Variants in ADNP observed in about 807,000 individuals in gnomAD.
ADNP encodes activity dependent neuroprotector homeobox.
ADNP carries 4 observed loss-of-function variants against 84.9 expected under a neutral mutation model. The ratio of observed to expected loss-of-function variants is 0.05; its 90% CI spans 0.02 to 0.11. The LOEUF (loss-of-function observed/expected upper bound fraction) is 0.11, where lower values mean the gene tolerates loss of function less well. ADNP is among the 10% of genes least tolerant of loss of function. The pLI is 1.00. For missense variants in ADNP, 1,132 were observed against 1,326.0 expected (o/e 0.85, Z 2.27); for synonymous variants, 554 against 468.1 (o/e 1.18, Z -2.37).
chr20:50,931,056 T>C lies in ADNP; in HGVS notation c.-495A>G, dbSNP rs1601006975. ...GGGCGGCGGCGGCGTCGTCGAGCGGTGCAGACAAAGGAGGGGCGGAGGGAG... is the reference window on the plus strand; with the variant it reads ...GGGCGGCGGCGGCGTCGTCGAGCGGCGCAGACAAAGGAGGGGCGGAGGGAG... On this transcript the variant is annotated 5_prime_UTR_variant, in exon 1 of 6. Transcript: ENST00000621696. 7.3e-6 allele frequency: 1 copy of C among 137,702 alleles called. No individual in the cohort carries two copies. The highest frequency in any genetic ancestry group is 2.7e-5 in the African/African-American group (1 of 36,536). 8.5% of individuals were successfully genotyped at this position (137,702 alleles called of 1,614,324 possible). A position where few individuals can be genotyped will look rare whatever the true frequency, so the allele number is the denominator to read the frequency against.
At chr20:50,922,485 C>T (rs1366218001) in intron 2 of ADNP, among the ~76,000 whole-genome samples, 2 of 151,216 alleles carry the variant, frequency 1.3e-5, no homozygotes, top group African/African-American at 2.4e-5. Flanking sequence ...TAAAGAAATG[C>T]GTAAGGGCAC....
chr20:50,890,980 GAAA>G lies in ADNP; in HGVS notation c.*422_*424del. ...TTTCAACTATTCAGAATGAATACAT[GAAA>G]AAAAATCGCTTTTCCCAAAGTCTAC... On this transcript the variant is annotated 3_prime_UTR_variant, in exon 6 of 6. Transcript: ENST00000621696. 1.0e-6 allele frequency: 1 copy of G among 994,050 alleles called. No individual in the cohort carries two copies. Among genetic ancestry groups the G allele is most frequent in the South Asian group, 4.7e-5 (1 of 21,464 alleles). 61.6% of individuals were successfully genotyped at this position (994,050 alleles called of 1,614,324 possible). A position where few individuals can be genotyped will look rare whatever the true frequency, so the allele number is the denominator to read the frequency against.
intron 5 of ADNP, among the ~76,000 whole-genome samples, chr20:50,895,992 A>G (rs192640510): frequency 2.7e-3 from 406 of 152,326 alleles, no homozygotes; most frequent in African/African-American, 9.3e-3. Context: ...TGGGAGGCCC[A>G]GGCGGGTGGA....
Position 50,926,559 on chromosome 20 carries a change from T to C in ADNP, c.-90+2092A>G, listed in dbSNP as rs377021474. Among the ~76,000 whole-genome samples, 25 of 152,348 alleles carry C rather than the reference T, an allele frequency of 1.6e-4. 2 individuals are homozygous for C. The South Asian group carries it at 3.1e-3, about 19-fold the overall frequency. On this transcript the variant is annotated intron_variant, in intron 2 of 5. Transcript: ENST00000621696. ...TATTTTTTTACTACACTTAGATGTA[T>C]TGTCCCCAAACTACATCTCAAAACT...
At position 50,893,735 on chromosome 20, in the gene ADNP, G is replaced by C; in HGVS notation, c.979C>G (p.Leu327Val). Residue 327 changes from leucine to valine, a missense_variant, in exon 6 of 6, where the codon CTG (leucine) becomes GTG (valine). Transcript: ENST00000621696. This position sits in a 1 kb window ranked among gnomAD's most constrained non-coding sequence, Gnocchi z 4.4. ...TTGACTCCATAGTTGTTCTGCTGCA[G>C]ATGAACACTGGACATCATGTTGACT... ...TGVNMMSSVH[L>V]QQNNYGVKSV... 6.2e-7 allele frequency: 1 copy of C among 1,614,142 alleles called. No individual in the cohort carries two copies. The highest frequency in any genetic ancestry group is 1.1e-5 in the South Asian group (1 of 91,078).
intron 2 of ADNP, among the ~76,000 whole-genome samples, chr20:50,922,969 C>T (rs1984055551): frequency 6.6e-6 from 1 of 152,118 alleles, no homozygotes; most frequent in Non-Finnish European, 1.5e-5. Flanking sequence ...TAGAGAGGAT[C>T]TCAAGACCTA....
chr20:50,896,921 G>C (rs955935393), intron 5 of ADNP, among the ~76,000 whole-genome samples: 3 of 152,066 alleles, frequency 2.0e-5, no homozygotes, highest in Non-Finnish European at 2.9e-5. Flanking sequence ...TTTTGGTATT[G>C]AGATCCATGT....
At position 50,890,832 on chromosome 20, in the gene ADNP, A is replaced by G. The variant is rs560027698; in HGVS notation, c.*573T>C. ...GCGCAGTTTTGAGCTTTTGCTAGGTAAACTAGATAGAGCGTTTATTACACA... is the reference window on the plus strand; with the variant it reads ...GCGCAGTTTTGAGCTTTTGCTAGGTGAACTAGATAGAGCGTTTATTACACA... On this transcript the variant is annotated 3_prime_UTR_variant, in exon 6 of 6. Transcript: ENST00000621696. 5.1e-5 allele frequency: 42 copies of G among 829,910 alleles called. No individual in the cohort carries two copies. In the South Asian group the frequency reaches 1.8e-3, roughly 35 times the overall value. 51.4% of individuals were successfully genotyped at this position (829,910 alleles called of 1,614,324 possible).
chr20:50,894,211 T>C lies in ADNP; in HGVS notation c.503A>G (p.Lys168Arg). The C allele has an allele frequency of 6.2e-7, 1 of 1,614,122 alleles. No homozygotes were observed. The highest frequency in any genetic ancestry group is 8.5e-7 in the Non-Finnish European group (1 of 1,179,996). ...AAGAGGATCTCGGTAAGTGCACTTC[T>C]TACAGTAATAAACAGCTTGCTCTAC... is the stretch of plus-strand genomic sequence containing the variant. ...DSVEQAVYYC[K>R]KCTYRDPLYE... Residue 168 changes from lysine (K) to arginine (R), a missense_variant, in exon 6 of 6, where the codon AAG (lysine) becomes AGG (arginine). Physicochemically the swap from Lys to Arg is conservative, Grantham distance 26. Transcript: ENST00000621696.
chr20:50,891,378 T>C lies in ADNP; in HGVS notation c.*27A>G, dbSNP rs766506206. 5.1e-6 allele frequency: 8 copies of C among 1,561,470 alleles called. No homozygotes were observed. Among genetic ancestry groups the C allele is most frequent in the Non-Finnish European group, 6.0e-6 (7 of 1,158,636 alleles). On this transcript the variant is annotated 3_prime_UTR_variant, in exon 6 of 6. Transcript: ENST00000621696. ...GATATCAGAGTTCCAGGCTGCAGCATGTCACCAACGCCAGGGAACCTGGCA... is the reference window on the plus strand; with the variant it reads ...GATATCAGAGTTCCAGGCTGCAGCACGTCACCAACGCCAGGGAACCTGGCA...
rs1416672752 is a variant in ADNP, at chr20:50,892,057, G to C, written c.2657C>G (p.Ser886Cys). ...GTCAAAAGGGCTACCACTTTCATTGGATTCTTCTTCCAAATTTTCAAAACT... is the reference window on the plus strand; with the variant it reads ...GTCAAAAGGGCTACCACTTTCATTGCATTCTTCTTCCAAATTTTCAAAACT... The part of the protein sequence containing the change: ...SDSFENLEEE[S>C]NESGSPFDPV... The change falls in exon 6 of 6, where the codon TCC becomes TGC. Residue 886 changes from serine (S) to cysteine (C), a missense_variant. Ser to Cys is a moderately radical substitution (Grantham distance 112, BLOSUM62 -1). Around this residue, in one of 10 missense-constraint regions of ADNP, gnomAD observed 381 missense variants for 319.9 expected, o/e 1.19. Coordinates refer to ENST00000621696, the MANE Select transcript of ADNP (RefSeq NM_001282531.3). The C allele has an allele frequency of 1.9e-6, 3 of 1,614,128 alleles. No individual in the cohort carries two copies. Among genetic ancestry groups the C allele is most frequent in the East Asian group, 2.2e-5 (1 of 44,878 alleles).
chr20:50,892,559 A>G lies in ADNP; in HGVS notation c.2155T>C (p.Tyr719His). ...AGTAAGGGAAATTCCATTTGCTCGT[A>G]AGTGCGCTTCACAGGTGCCAGACTT... is the stretch of plus-strand genomic sequence containing the variant. Reference protein sequence around the residue: ...SPSLAPVKRTYEQMEFPLLKK... With the variant: ...SPSLAPVKRTHEQMEFPLLKK... The change falls in exon 6 of 6, where the codon TAC (tyrosine) becomes CAC (histidine). Residue 719 changes from tyrosine to histidine, a missense_variant. Around this residue, in one of 10 missense-constraint regions of ADNP, gnomAD observed 101 missense variants for 78.5 expected, o/e 1.29. Transcript: ENST00000621696. 1 of 1,614,224 alleles carries G rather than the reference A, an allele frequency of 6.2e-7. No individual in the cohort carries two copies. The highest frequency in any genetic ancestry group is 8.5e-7 in the Non-Finnish European group (1 of 1,180,040).
intron 2 of ADNP, among the ~76,000 whole-genome samples, chr20:50,915,857 G>A (rs144128651): frequency 1.6e-4 from 24 of 152,236 alleles, no homozygotes; most frequent in African/African-American, 4.6e-4. Context: ...GATGACACAC[G>A]TATGTACTGA....
At chr20:50,928,471 G>T (rs138508900) in intron 2 of ADNP, among the ~76,000 whole-genome samples, 180 bp downstream of exon 2, 1 of 152,320 alleles carries the variant, frequency 6.6e-6, no homozygotes, top group East Asian at 1.9e-4. Flanking sequence ...AAAGCTGTAA[G>T]TAATTTCTTA....
intron 2 of ADNP, chr20:50,914,451 C>G (rs1983341771): frequency 2.3e-6 from 1 of 427,304 alleles, no homozygotes; most frequent in African/African-American, 2.1e-5. Context: ...CCCCAGTGTC[C>G]TGGAAACTAA....
chr20:50,899,263 C>A (rs1417247965), intron 5 of ADNP, among the ~76,000 whole-genome samples: 7 of 150,432 alleles, frequency 4.7e-5, no homozygotes, highest in Non-Finnish European at 1.0e-4. Context: ...ATGGCACGAT[C>A]TCAGCTCACT....
Position 50,891,739 on chromosome 20 carries a change from T to C in ADNP, c.2975A>G (p.Lys992Arg). 2.5e-6 allele frequency: 4 copies of C among 1,614,194 alleles called. No individual in the cohort carries two copies. Among genetic ancestry groups the C allele is most frequent in the Non-Finnish European group, 3.4e-6 (4 of 1,180,026 alleles). ...SDFEDNTCEM[K>R]PGTWSDESSQ... is the part of the protein sequence containing the mutation. The stretch of plus-strand genomic sequence containing the variant: ...AGACTCGTCAGACCAGGTTCCTGGT[T>C]TCATTTCGCAGGTATTGTCCTCAAA... The change falls in exon 6 of 6, where the codon AAA (lysine) becomes AGA (arginine). Residue 992 changes from lysine (K) to arginine (R), a missense_variant. Lys to Arg is a conservative substitution (Grantham distance 26, BLOSUM62 2). Transcript: ENST00000621696.
At chr20:50,904,518 C>T (rs1168774948) in intron 3 of ADNP, 1 of 152,904 alleles carries the variant, frequency 6.5e-6, no homozygotes, top group African/African-American at 2.4e-5. Context: ...GAGCCGAGCA[C>T]ATATCTACTA....
chr20:50,903,081 T>C (rs1982141513), intron 4 of ADNP, among the ~76,000 whole-genome samples: 1 of 152,350 alleles, frequency 6.6e-6, no homozygotes, highest in East Asian at 1.9e-4. Flanking sequence ...GATCACCTAT[T>C]ACGTGCAAAA....
Sources: gnomAD v4.1 joint callset for allele counts (sites outside exome capture counted in the v4.1 genomes callset) on GRCh38, gnomAD v4.1.1 for gene constraint, gnomAD v4.1.1 regional missense constraint, Gnocchi (gnomAD v3.1) non-coding constraint, MANE v1.5 for transcripts, NCBI Gene and HGNC (gene_info 2026-07-23, HGNC 2026-07-21) for gene names.